The following SEMA6A variants were observed in gnomAD, a reference collection of about 807,000 sequenced individuals.
SEMA6A encodes the protein semaphorin-6A.
In SEMA6A, 25 loss-of-function variants were observed where a neutral mutation model predicts 96.8. The ratio of observed to expected loss-of-function variants is 0.26; its 90% confidence interval spans 0.19 to 0.36. SEMA6A has a LOEUF of 0.36. Ranked by LOEUF, SEMA6A falls within the 10% of genes least tolerant of loss-of-function variation. SEMA6A has a pLI of 1.00. For missense variants in SEMA6A, 1,363 were observed against 1,323.1 expected (o/e 1.03, Z -0.47); for synonymous variants, 612 against 518.0 (o/e 1.18, Z -2.46).
chr5:116,573,164 T>A (rs148874727), intron 1 of SEMA6A, among the ~76,000 whole-genome samples: 97 of 152,044 alleles, frequency 6.4e-4, no homozygotes, highest in Non-Finnish European at 1.0e-3. Context: ...GCAGGGTGGG[T>A]GGGCACTGCC....
chr5:116,533,383 C>T (rs1340815088), intron 1 of SEMA6A, among the ~76,000 whole-genome samples: 2 of 151,918 alleles, frequency 1.3e-5, no homozygotes, highest in Admixed American at 6.6e-5. Flanking sequence ...TTTAGTCAGA[C>T]CTACTTAGCT....
intron 1 of SEMA6A, among the ~76,000 whole-genome samples, chr5:116,530,791 T>G (rs1759434591): frequency 1.3e-5 from 2 of 152,288 alleles, no homozygotes; most frequent in East Asian, 3.9e-4. Context: ...AATACATGCT[T>G]GCCTTTTCTT....
At chr5:116,497,632 T>C (rs899854913) in intron 3 of SEMA6A, among the ~76,000 whole-genome samples, 1 of 152,206 alleles carries the variant, frequency 6.6e-6, no homozygotes, top group Admixed American at 6.5e-5. Flanking sequence ...TTAGCTCTTC[T>C]CTCTGACACT....
At chr5:116,539,586 T>TGTGC (rs1759872210) in intron 1 of SEMA6A, among the ~76,000 whole-genome samples, 1 of 141,942 alleles carries the variant, frequency 7.0e-6, no homozygotes, top group South Asian at 2.2e-4. Flanking sequence ...TTAATAATTC[T>TGTGC]GTGCGTGTGT....
chr5:116,447,513 C>T lies in SEMA6A; in HGVS notation c.2193G>A (p.Lys731=). ...TGGCCGTGTTGCCGGGAGTGGCGAG[C>T]TTGCCGTTGTGCATGAGTGGCGTGA... ...AILTPLMHNG[K]LATPGNTAKM... The change falls in exon 19 of 19, where the codon AAG becomes AAA. Residue 731 remains lysine, a synonymous_variant. Transcript: ENST00000343348. 1.2e-6 allele frequency: 2 copies of T among 1,614,076 alleles called. No individual in the cohort carries two copies. The highest frequency in any genetic ancestry group is 4.5e-5 in the East Asian group (2 of 44,882).
chr5:116,508,770 C>G (rs1304510698), intron 1 of SEMA6A, among the ~76,000 whole-genome samples: 1 of 152,184 alleles, frequency 6.6e-6, no homozygotes, highest in African/African-American at 2.4e-5. Context: ...CCAAATAGGG[C>G]TCTCTCCAGA....
chr5:116,563,436 T>G (rs9327007), intron 1 of SEMA6A, among the ~76,000 whole-genome samples: 30,720 of 152,146 alleles, frequency 0.2, 3,149 homozygotes, highest in East Asian at 0.31. Context: ...GTAATGAGAA[T>G]CTAGTGTGGT....
chr5:116,573,251 T>A (rs997170433), intron 1 of SEMA6A, among the ~76,000 whole-genome samples: 34 of 152,316 alleles, frequency 2.2e-4, no homozygotes, highest in African/African-American at 8.2e-4. Context: ...AGAGCCCTAG[T>A]CTGGGTTTCA....
chr5:116,546,344 C>T (rs1191858125), intron 1 of SEMA6A, among the ~76,000 whole-genome samples: 1 of 152,214 alleles, frequency 6.6e-6, no homozygotes, highest in Non-Finnish European at 1.5e-5. Context: ...TAACAAACAT[C>T]TGTACATGCC....
At position 116,486,755 on chromosome 5, in the gene SEMA6A, T is replaced by A. The variant is rs368502693; in HGVS notation, c.956A>T (p.Tyr319Phe). ...ACAGCTAGGGCATGATTACCTGTTA[T>A]AAGGTGTAGAAAACGTTGCCAGGAC... Reference protein sequence around the residue: ...DVVLATFSTPYNSIPGSAVCA... With the variant: ...DVVLATFSTPFNSIPGSAVCA... The change falls in exon 10 of 19, where the codon TAT (tyrosine) becomes TTT (phenylalanine). Residue 319 changes from tyrosine to phenylalanine, a missense_variant. By Grantham distance (22) the Tyr-to-Phe change is conservative. Around this residue, in one of 2 missense-constraint regions of SEMA6A, gnomAD observed 480 missense variants for 559.5 expected, o/e 0.86. Coordinates refer to ENST00000343348, the MANE Select transcript of SEMA6A (RefSeq NM_020796.5). The A allele has an allele frequency of 8.1e-6, 13 of 1,613,144 alleles. No homozygotes were observed. The African/African-American group carries it at 1.3e-4, about 17-fold the overall frequency.
In SEMA6A at chr5:116,474,872, AG is replaced by A. The variant is rs772856961; in HGVS notation, c.1708+672del. On this transcript the variant is annotated intron_variant, in intron 16 of 18. Transcript: ENST00000343348. ...AAATTAGCATTAATAAAGCATTTTC[AG>A]GAGAATATTGATATTAATCGGGTCA... Among the ~76,000 whole-genome samples the A allele has an allele frequency of 7.2e-5, 11 of 151,840 alleles. No homozygotes were observed. In the South Asian group the frequency reaches 2.3e-3, roughly 32 times the overall value.
At chr5:116,567,170 T>C (rs998346777) in intron 1 of SEMA6A, among the ~76,000 whole-genome samples, 7 of 152,128 alleles carry the variant, frequency 4.6e-5, no homozygotes. Flanking sequence ...TATATAGTGG[T>C]TTTTTCCTTC....
chr5:116,521,718 C>G (rs1287985043), intron 1 of SEMA6A, among the ~76,000 whole-genome samples: 1 of 152,154 alleles, frequency 6.6e-6, no homozygotes, highest in African/African-American at 2.4e-5. Flanking sequence ...ACCCAGATGT[C>G]TCGGCGTAAA....
At chr5:116,568,652 C>T (rs1393593278) in intron 1 of SEMA6A, among the ~76,000 whole-genome samples, 1 of 152,198 alleles carries the variant, frequency 6.6e-6, no homozygotes, top group Non-Finnish European at 1.5e-5. Flanking sequence ...CAGACTCCCT[C>T]CAGCTACAAC....
In SEMA6A at chr5:116,547,882, C is replaced by G. The variant is rs545493216; in HGVS notation, c.-39+26303G>C. 2.0e-5 allele frequency among the ~76,000 whole-genome samples: 3 copies of G among 152,108 alleles called. No homozygotes were observed. The South Asian group carries it at 6.2e-4, about 32-fold the overall frequency. On this transcript the variant is annotated intron_variant, in intron 1 of 18. Coordinates refer to ENST00000343348, the MANE Select transcript of SEMA6A (RefSeq NM_020796.5). ...AGATCCTTGCAATATGTAAGCTACA[C>G]TTTGAGAGGAGCTAAAGTGCTTTTA... is the stretch of plus-strand genomic sequence containing the variant.
At chr5:116,529,922 A>G (rs59890828) in intron 1 of SEMA6A, among the ~76,000 whole-genome samples, 13,082 of 152,124 alleles carry the variant, frequency 0.086, 1,202 homozygotes, top group African/African-American at 0.23. Context: ...GGGATCATTC[A>G]TATACCAAGC....
rs765664263 is a variant in SEMA6A, at chr5:116,502,317, C to A, written c.111G>T (p.Gln37His). ...ISISHGNYTKQYPVFVGHKPG... is the reference protein window; with the variant it reads ...ISISHGNYTKHYPVFVGHKPG... ...GCTTGTGGCCCACAAACACCGGATA[C>A]TGTTTTGTATCTGTGAAAAGAGGAG... The change falls in exon 3 of 19, where the codon CAG becomes CAT. Residue 37 changes from glutamine to histidine, a missense_variant. By Grantham distance (24) the Gln-to-His change is conservative. Around this residue, in one of 2 missense-constraint regions of SEMA6A, gnomAD observed 480 missense variants for 559.5 expected, o/e 0.86. Coordinates refer to ENST00000343348, the MANE Select transcript of SEMA6A (RefSeq NM_020796.5). 5 of 1,613,622 alleles carry A rather than the reference C, an allele frequency of 3.1e-6. No individual in the cohort carries two copies. In the African/African-American group the frequency reaches 4.0e-5, roughly 13 times the overall value.
chr5:116,507,537 G>C (rs1038946561), intron 1 of SEMA6A, among the ~76,000 whole-genome samples: 4 of 152,170 alleles, frequency 2.6e-5, no homozygotes, highest in South Asian at 4.1e-4. Context: ...TATAAACCTT[G>C]AGTGAGCAGT....
At chr5:116,514,242 C>G (rs1051734918) in intron 1 of SEMA6A, among the ~76,000 whole-genome samples, 1 of 152,206 alleles carries the variant, frequency 6.6e-6, no homozygotes. Context: ...AATTTACACT[C>G]CCACCAACAG....
Sources: allele counts gnomAD v4.1 joint callset (sites outside exome capture counted in the v4.1 genomes callset), GRCh38; gene constraint gnomAD v4.1.1; regional missense constraint gnomAD v4.1.1; transcripts MANE v1.5; gene names NCBI Gene and HGNC (gene_info 2026-07-23, HGNC 2026-07-21).